Variants in ADAMTS20 observed in about 807,000 individuals in gnomAD.
ADAMTS20 encodes the protein A disintegrin and metalloproteinase with thrombospondin motifs 20.
A neutral mutation model predicts 260.1 loss-of-function variants in ADAMTS20; 225 were observed. The observed-to-expected ratio is 0.87, with a 90% CI of 0.78 to 0.97. The LOEUF is 0.97. Among genes scored for constraint, ADAMTS20 ranks in the 50% least tolerant of loss-of-function variants. ADAMTS20 has a pLI of 0.00. For missense variants in ADAMTS20, 2,400 were observed against 2,337.7 expected (o/e 1.03, Z -0.55); for synonymous variants, 802 against 769.5 (o/e 1.04, Z -0.70).
intron 2 of ADAMTS20, among the ~76,000 whole-genome samples, chr12:43,534,337 C>T (rs1943264457): frequency 6.6e-6 from 1 of 152,036 alleles, no homozygotes; most frequent in African/African-American, 2.4e-5. Flanking sequence ...AGACACTTCT[C>T]AAAAGAAAAT....
At chr12:43,467,646 C>T (rs1457772469) in intron 8 of ADAMTS20, among the ~76,000 whole-genome samples, 7 of 151,952 alleles carry the variant, frequency 4.6e-5, no homozygotes, top group South Asian at 2.1e-4. Flanking sequence ...CAGATGTTGC[C>T]GCAATACTTC....
chr12:43,375,062 C>T (rs1354631816), intron 36 of ADAMTS20, among the ~76,000 whole-genome samples: 2 of 150,340 alleles, frequency 1.3e-5, no homozygotes, highest in African/African-American at 2.4e-5. Flanking sequence ...ATCCCAGCTA[C>T]TGGGGAGGCT....
intron 18 of ADAMTS20, among the ~76,000 whole-genome samples, chr12:43,436,812 C>T (rs1424317127): frequency 2.0e-5 from 3 of 152,148 alleles, no homozygotes; most frequent in Admixed American, 6.5e-5. Flanking sequence ...TCTGTTATCC[C>T]GCAGCACCCT....
intron 11 of ADAMTS20, among the ~76,000 whole-genome samples, chr12:43,455,193 C>T (rs1941942451): frequency 1.3e-5 from 2 of 151,982 alleles, no homozygotes; most frequent in South Asian, 4.2e-4. Flanking sequence ...CATAATATGC[C>T]CAAGCTTCAT....
rs1941419445 is a variant in ADAMTS20, at chr12:43,430,418, A to T, written c.3315T>A (p.Asn1105Lys). 1 of 1,613,350 alleles carries T rather than the reference A, an allele frequency of 6.2e-7. No individual in the cohort carries two copies. ...CCTCTAACACTGCACTAGCTAGCTC[A>T]TTGACACATTTAACATCTCGCATCT... The part of the protein sequence containing the change: ...GYQMRDVKCV[N>K]ELASAVLEDT... The change falls in exon 23 of 39, where the codon AAT becomes AAA. Residue 1105 changes from asparagine (N) to lysine (K), a missense_variant. By Grantham distance (94) the Asn-to-Lys change is moderately conservative (BLOSUM62 0). Transcript: ENST00000389420.
In ADAMTS20 at chr12:43,529,292, T is replaced by G. The variant is rs556163873; in HGVS notation, c.613+2744A>C. Among the ~76,000 whole-genome samples, 4 of 152,242 alleles carry G rather than the reference T, an allele frequency of 2.6e-5. 1 individual carries two copies. In the South Asian group the frequency reaches 6.2e-4, roughly 24 times the overall value. On this transcript the variant is annotated intron_variant, in intron 3 of 38. Coordinates refer to ENST00000389420, the MANE Select transcript of ADAMTS20 (RefSeq NM_025003.5). ...GATCCACCGATTGATCCAGCTAATA[T>G]GATGACTGGGCATCTACCCAATGGA...
At chr12:43,503,423 T>A (rs1399716777) in intron 3 of ADAMTS20, among the ~76,000 whole-genome samples, 1 of 152,110 alleles carries the variant, frequency 6.6e-6, no homozygotes, top group African/African-American at 2.4e-5. Flanking sequence ...ACATATTTCA[T>A]TATTATTAAA....
At chr12:43,529,745 T>G (rs1943194990) in intron 3 of ADAMTS20, among the ~76,000 whole-genome samples, 1 of 152,086 alleles carries the variant, frequency 6.6e-6, no homozygotes, top group Non-Finnish European at 1.5e-5. Flanking sequence ...AATATCAGAA[T>G]TCACCACTAT....
At chr12:43,364,323 A>G (rs1184783998) in intron 37 of ADAMTS20, among the ~76,000 whole-genome samples, 2 of 152,208 alleles carry the variant, frequency 1.3e-5, no homozygotes, top group Non-Finnish European at 2.9e-5. Flanking sequence ...TTTATGAGGC[A>G]TACAAAGCAT....
At chr12:43,433,152 T>G in intron 19 of ADAMTS20, among the ~76,000 whole-genome samples, 1 of 152,230 alleles carries the variant, frequency 6.6e-6, no homozygotes, top group East Asian at 1.9e-4. Flanking sequence ...TGCAATCCTC[T>G]ATAAGTATTT....
intron 19 of ADAMTS20, chr12:43,433,708 AC>A: frequency 6.3e-4 from 3 of 4,778 alleles, no homozygotes; most frequent in Non-Finnish European, 8.0e-4. Context: ...ACACAAACAC[AC>A]ACACACACAC....
At chr12:43,375,637 C>A in intron 35 of ADAMTS20, 125 bp from the exon 36 acceptor site, 3 of 1,101,760 alleles carry the variant, frequency 2.7e-6, no homozygotes, top group Middle Eastern at 3.0e-4. Context: ...ACAAGTTAAA[C>A]AAGAAAGAAG....
intron 16 of ADAMTS20, among the ~76,000 whole-genome samples, chr12:43,443,372 A>C (rs1941702088): frequency 6.6e-6 from 1 of 152,184 alleles, no homozygotes. Context: ...TTTTAAATAC[A>C]AGAGCTTTTA....
At chr12:43,357,765 T>C (rs1226726102) in intron 37 of ADAMTS20, among the ~76,000 whole-genome samples, 2 of 152,210 alleles carry the variant, frequency 1.3e-5, no homozygotes, top group Non-Finnish European at 2.9e-5. Flanking sequence ...AAGTTCTCAA[T>C]AAGTGTTTTT....
At chr12:43,390,547 C>T (rs1382585885) in intron 29 of ADAMTS20, among the ~76,000 whole-genome samples, 3 of 152,228 alleles carry the variant, frequency 2.0e-5, no homozygotes, top group Non-Finnish European at 2.9e-5. Context: ...GAAATATCCT[C>T]AGCCTAACAG....
At chr12:43,484,490 G>T (rs373352438) in intron 7 of ADAMTS20, among the ~76,000 whole-genome samples, 11 of 152,144 alleles carry the variant, frequency 7.2e-5, no homozygotes, top group Middle Eastern at 6.8e-3. Flanking sequence ...AAAACAATCA[G>T]AACTTCTGGA....
chr12:43,480,838 G>C (rs1942430186), intron 7 of ADAMTS20, among the ~76,000 whole-genome samples: 2 of 152,052 alleles, frequency 1.3e-5, no homozygotes, highest in Non-Finnish European at 2.9e-5. Flanking sequence ...GAATGGGGAA[G>C]TTCTTAGTCA....
At chr12:43,545,238 G>A (rs189332586) in intron 2 of ADAMTS20, among the ~76,000 whole-genome samples, 1 of 152,176 alleles carries the variant, frequency 6.6e-6, no homozygotes, top group African/African-American at 2.4e-5. Context: ...GCACAATGGT[G>A]CATAAGAGGA....
chr12:43,361,084 C>T (rs1175210009), intron 37 of ADAMTS20, among the ~76,000 whole-genome samples: 2 of 152,240 alleles, frequency 1.3e-5, no homozygotes. Flanking sequence ...TCCTTAACTT[C>T]ATCTCATATT....
Sources: allele counts gnomAD v4.1 joint callset (sites outside exome capture counted in the v4.1 genomes callset), GRCh38; gene constraint gnomAD v4.1.1; transcripts MANE v1.5; gene names NCBI Gene and HGNC (gene_info 2026-07-23, HGNC 2026-07-21).